The following RGL1 variants were observed in gnomAD, a reference collection of about 807,000 sequenced individuals.
RGL1 encodes ral guanine nucleotide dissociation stimulator like 1, also known as ral guanine nucleotide dissociation stimulator-like 1.
A neutral mutation model predicts 95.2 loss-of-function variants in RGL1; 24 were observed. The observed-to-expected ratio is 0.25, with a 90% CI of 0.18 to 0.35. The LOEUF is 0.35. RGL1 is among the 10% of genes least tolerant of loss of function. The pLI is 1.00. For synonymous variants in RGL1, 329 were observed against 344.9 expected (o/e 0.95, Z 0.51); for missense variants, 715 against 936.3 (o/e 0.76, Z 3.08).
chr1:183,648,885 C>A, intron 1 of RGL1: 1 of 915,824 alleles, frequency 1.1e-6, no homozygotes, highest in Non-Finnish European at 1.6e-6. Flanking sequence ...TTTATTAAAC[C>A]ATACTTTCTT....
intron 2 of RGL1, among the ~76,000 whole-genome samples, chr1:183,836,779 A>G (rs1431351460): frequency 6.6e-6 from 1 of 152,176 alleles, no homozygotes; most frequent in Non-Finnish European, 1.5e-5. Flanking sequence ...TGCAGCCCAG[A>G]GGTTTGTGAG....
chr1:183,696,707 G>T (rs866527535), intron 1 of RGL1, among the ~76,000 whole-genome samples: 5 of 152,126 alleles, frequency 3.3e-5, no homozygotes, highest in Middle Eastern at 6.8e-3. Flanking sequence ...AACAAAACCC[G>T]ATCTTTCCCC....
chr1:183,754,490 C>T (rs1296762136), intron 2 of RGL1: 1 of 152,058 alleles, frequency 6.6e-6, no homozygotes, highest in East Asian at 1.9e-4. Context: ...TGGGAGTGCC[C>T]CTTTTCTCCA....
At chr1:183,765,659 C>T (rs1443941939) in intron 2 of RGL1, among the ~76,000 whole-genome samples, 2 of 152,194 alleles carry the variant, frequency 1.3e-5, no homozygotes, top group Admixed American at 1.3e-4. Context: ...GGTCCAATGG[C>T]ACAATCTCCA....
intron 17 of RGL1, among the ~76,000 whole-genome samples, chr1:183,923,507 A>G (rs1472384365): frequency 6.6e-6 from 1 of 152,200 alleles, no homozygotes; most frequent in Non-Finnish European, 1.5e-5. Context: ...CTTACAACAC[A>G]GCACTAAGGT....
intron 1 of RGL1, among the ~76,000 whole-genome samples, chr1:183,696,334 A>G (rs922386480): frequency 4.6e-5 from 7 of 152,148 alleles, no homozygotes; most frequent in African/African-American, 1.7e-4. Context: ...CTTTTCAACC[A>G]TGGTTTCTCA....
intron 2 of RGL1, among the ~76,000 whole-genome samples, chr1:183,829,597 C>T (rs1046319088): frequency 1.3e-5 from 2 of 152,136 alleles, no homozygotes; most frequent in Non-Finnish European, 2.9e-5. Flanking sequence ...CATATTTACA[C>T]TTACATTTGA....
At chr1:183,825,504 T>G (rs756233936) in intron 2 of RGL1, among the ~76,000 whole-genome samples, 70 of 151,876 alleles carry the variant, frequency 4.6e-4, no homozygotes, top group Admixed American at 7.8e-4. Context: ...TAAGACTGTG[T>G]ACTCTAAAAA....
At chr1:183,809,623 AAAATCTTAGGATTGGAAGAGACATT>A (rs1314102427) in intron 2 of RGL1, among the ~76,000 whole-genome samples, 1 of 152,188 alleles carries the variant, frequency 6.6e-6, no homozygotes, top group East Asian at 1.9e-4. Context: ...CAAAATTTAA[AAAATCTTAGGATTGGAAGAGACATT>A]AAAGAGCAAT....
chr1:183,667,133 A>G (rs1387568985), intron 1 of RGL1, among the ~76,000 whole-genome samples: 2 of 152,188 alleles, frequency 1.3e-5, no homozygotes, highest in Non-Finnish European at 2.9e-5. Flanking sequence ...TTGCTCTGAA[A>G]TTAATGTAGC....
At chr1:183,907,670 G>T (rs1668416047) in intron 14 of RGL1, among the ~76,000 whole-genome samples, 1 of 152,140 alleles carries the variant, frequency 6.6e-6, no homozygotes, top group African/African-American at 2.4e-5. Context: ...TTCTAATGTT[G>T]CTGTCCACCC....
chr1:183,894,372 C>CT (rs770225933), intron 9 of RGL1, among the ~76,000 whole-genome samples: 4 of 152,200 alleles, frequency 2.6e-5, no homozygotes, highest in Non-Finnish European at 5.9e-5. Context: ...AATTAAATTT[C>CT]TTATAGATAT....
At chr1:183,781,261 A>T (rs886649478) in intron 2 of RGL1, among the ~76,000 whole-genome samples, 1 of 152,030 alleles carries the variant, frequency 6.6e-6, no homozygotes, top group Admixed American at 6.6e-5. Flanking sequence ...CACAGTAAAC[A>T]TTTTTTTGGA....
intron 2 of RGL1, among the ~76,000 whole-genome samples, chr1:183,842,920 A>G (rs897873381): frequency 1.5e-4 from 23 of 152,270 alleles, no homozygotes; most frequent in African/African-American, 5.3e-4. Flanking sequence ...TTAACATTTT[A>G]GCTTCTCTTG....
chr1:183,816,688 C>CT (rs1387185051), intron 2 of RGL1, among the ~76,000 whole-genome samples: 1 of 152,234 alleles, frequency 6.6e-6, no homozygotes, highest in East Asian at 1.9e-4. Context: ...ACCTAGAGGC[C>CT]TTTTTTTCTC....
chr1:183,862,811 G>A (rs1413846155), intron 3 of RGL1, among the ~76,000 whole-genome samples: 1 of 152,216 alleles, frequency 6.6e-6, no homozygotes, highest in Non-Finnish European at 1.5e-5. Context: ...AGAGTTGGGT[G>A]CCAGCTCTAA....
At chr1:183,739,873 T>A (rs1245701284) in intron 1 of RGL1, among the ~76,000 whole-genome samples, 1 of 152,140 alleles carries the variant, frequency 6.6e-6, no homozygotes, top group Non-Finnish European at 1.5e-5. Flanking sequence ...ACCCACACTG[T>A]GGAGATGAGA....
At chr1:183,682,720 C>A (rs959535766) in intron 1 of RGL1, among the ~76,000 whole-genome samples, 5 of 152,136 alleles carry the variant, frequency 3.3e-5, no homozygotes, top group Non-Finnish European at 5.9e-5. Context: ...CCTGAATATA[C>A]TTGTTAATTT....
chr1:183,760,231 C>A (rs1195379632), intron 2 of RGL1, among the ~76,000 whole-genome samples: 1 of 152,158 alleles, frequency 6.6e-6, no homozygotes, highest in Admixed American at 6.6e-5. Context: ...AAGTCATAAT[C>A]TTTTTGCTGG....
Sources: gnomAD v4.1 joint callset for allele counts (sites outside exome capture counted in the v4.1 genomes callset) on GRCh38, gnomAD v4.1.1 for gene constraint, MANE v1.5 for transcripts, NCBI Gene and HGNC (gene_info 2026-07-23, HGNC 2026-07-21) for gene names.